The following TBX18 variants were observed in gnomAD, a reference collection of about 807,000 sequenced individuals.
TBX18 encodes T-box transcription factor TBX18.
Under a neutral mutation model 55.0 loss-of-function variants are expected in TBX18, and 21 were observed. The observed-to-expected ratio is 0.38, with a 90% CI of 0.27 to 0.55. TBX18 has a LOEUF of 0.55. Ranked by LOEUF, TBX18 falls within the 20% of genes least tolerant of loss-of-function variation. The pLI, the probability that TBX18 is intolerant of heterozygous loss-of-function variation, is 0.73. For synonymous variants in TBX18, 342 were observed against 326.1 expected (o/e 1.05, Z -0.53); for missense variants, 840 against 799.6 (o/e 1.05, Z -0.61).
At position 84,756,742 on chromosome 6, in the gene TBX18, C is replaced by T. The variant is rs1366443866; in HGVS notation, c.727G>A (p.Asp243Asn). 6.8e-6 allele frequency: 11 copies of T among 1,613,950 alleles called. No individual in the cohort carries two copies. Among genetic ancestry groups the T allele is most frequent in the South Asian group, 1.1e-5 (1 of 91,080 alleles). The change falls in exon 4 of 8, where the codon GAC (aspartate) becomes AAC (asparagine). Residue 243 changes from aspartate to asparagine, a missense_variant. Transcript: ENST00000369663. ...TCATTGTTGGTGAGCTTCAGCTTGT[C>T]GAAGCTGATAACTTGTCTCATCCAA... Reference protein sequence around the residue: ...ETWMRQVISFDKLKLTNNELD... With the variant: ...ETWMRQVISFNKLKLTNNELD...
At position 84,737,937 on chromosome 6, in the gene TBX18, A is replaced by C. The variant is rs571561550; in HGVS notation, c.1100-528T>G. Among the ~76,000 whole-genome samples the C allele has an allele frequency of 2.6e-5, 4 of 152,350 alleles. No homozygotes were observed. The East Asian group carries it at 7.7e-4, about 29-fold the overall frequency. On this transcript the variant is annotated intron_variant, in intron 7 of 7. Coordinates refer to ENST00000369663, the MANE Select transcript of TBX18 (RefSeq NM_001080508.3). The stretch of plus-strand genomic sequence containing the variant: ...GGCAGGATGATGGTAAAAAGCCTGA[A>C]TGTAGAAGTGAGCTGAGAGTGTTAC...
rs1773891658 is a variant in TBX18 at position 84,734,645 on chromosome 6, A to T, written c.*2040T>A. The T allele has an allele frequency of 6.6e-6, 1 of 152,638 alleles. No individual in the cohort carries two copies. Among genetic ancestry groups the T allele is most frequent in the African/African-American group, 2.4e-5 (1 of 41,450 alleles). The allele number at this position is 152,638 out of a possible 1,614,324, so 9.5% of individuals were successfully genotyped here. On this transcript the variant is annotated 3_prime_UTR_variant, in exon 8 of 8. Transcript: ENST00000369663. ...TTACCAGAAAAAAGATTAATAAAAA[A>T]TTATACTCATATTGTGGTATCATCT...
At chr6:84,747,691 A>AAACCTACACTGTC (rs1767233400) in intron 5 of TBX18, among the ~76,000 whole-genome samples, 1 of 152,244 alleles carries the variant, frequency 6.6e-6, no homozygotes, top group Non-Finnish European at 1.5e-5. Flanking sequence ...AATGGAAAGT[A>AAACCTACACTGTC]AACCTACACT....
intron 4 of TBX18, among the ~76,000 whole-genome samples, chr6:84,754,694 T>G (rs1767439572): frequency 6.6e-6 from 1 of 152,250 alleles, no homozygotes; most frequent in African/African-American, 2.4e-5. Flanking sequence ...ACCCAGATAC[T>G]TGGTCAAACA....
At chr6:84,752,897 G>A (rs1767387322) in intron 4 of TBX18, among the ~76,000 whole-genome samples, 1 of 152,056 alleles carries the variant, frequency 6.6e-6, no homozygotes, top group Admixed American at 6.5e-5. Context: ...TGAGGCTTAA[G>A]GTACACCACT....
chr6:84,756,655 GGCT>G, intron 4 of TBX18, 40 bp downstream of exon 4: 1 of 1,538,626 alleles, frequency 6.5e-7, no homozygotes, highest in Admixed American at 1.7e-5. Context: ...GTGTAGATGT[GGCT>G]GTGCCATCTA....
chr6:84,759,815 C>A (rs1767598057), intron 3 of TBX18, among the ~76,000 whole-genome samples: 1 of 151,688 alleles, frequency 6.6e-6, no homozygotes, highest in Non-Finnish European at 1.5e-5. Flanking sequence ...AAAAAGCCTA[C>A]AAACATTGAT....
In TBX18 at chr6:84,736,833, G is replaced by A. The variant is rs772335397; in HGVS notation, c.1676C>T (p.Pro559Leu). ...SSQGSFLGSS[P>L]SGTMTDRQML... ...CTGCCGATCCGTCATGGTCCCACTC[G>A]GTGAGGACCCCAAGAAACTTCCTTG... is the stretch of plus-strand genomic sequence containing the variant. The change falls in exon 8 of 8, where the codon CCG (proline) becomes CTG (leucine). Residue 559 changes from proline (P) to leucine (L), a missense_variant. Transcript: ENST00000369663. 6.8e-6 allele frequency: 11 copies of A among 1,613,966 alleles called. No individual in the cohort carries two copies. The highest frequency in any genetic ancestry group is 9.3e-6 in the Non-Finnish European group (11 of 1,179,974).
chr6:84,752,168 G>A (rs562635269), intron 4 of TBX18, among the ~76,000 whole-genome samples: 11 of 149,614 alleles, frequency 7.4e-5, no homozygotes, highest in Non-Finnish European at 1.0e-4. Flanking sequence ...TCTACTTTAA[G>A]GACACCTAGA....
chr6:84,763,025 C>A, intron 1 of TBX18: 1 of 551,092 alleles, frequency 1.8e-6, no homozygotes, highest in Non-Finnish European at 3.2e-6. Flanking sequence ...ACCCGCTGGG[C>A]CTCCGCAGGG....
intron 3 of TBX18, 41 bp from the exon 4 acceptor site, chr6:84,756,910 C>T (rs748588436): frequency 3.1e-6 from 5 of 1,588,180 alleles, no homozygotes; most frequent in Middle Eastern, 3.4e-4. Context: ...CTGTTTTTAT[C>T]TTGGCATGTC....
rs1766979393 is a variant in TBX18, at chr6:84,739,266, T to TA, written c.1005-676dup. On this transcript the variant is annotated intron_variant, in intron 6 of 7. Transcript: ENST00000369663. ...GCTATCTAGTATATAGAGTTACTAT[T>TA]AAATCACAAATTATTTTAAAACCCT... Among the ~76,000 whole-genome samples the TA allele has an allele frequency of 3.9e-5, 6 of 152,054 alleles. No homozygotes were observed. The South Asian group carries it at 1.2e-3, about 32-fold the overall frequency.
At chr6:84,755,663 C>G (rs1226841357) in intron 4 of TBX18, among the ~76,000 whole-genome samples, 2 of 152,080 alleles carry the variant, frequency 1.3e-5, no homozygotes, top group African/African-American at 4.8e-5. Flanking sequence ...TCATAAAAGG[C>G]AACAATCAAG....
In TBX18 at chr6:84,734,905, T is replaced by G. The variant is rs190640833; in HGVS notation, c.*1780A>C. Reference sequence around the variant, plus strand: ...ACTGCAAATATTTCATGTCCCTTCATGCTAGTTTTAAATTTAAAAATTTAA... The same window carrying G: ...ACTGCAAATATTTCATGTCCCTTCAGGCTAGTTTTAAATTTAAAAATTTAA... On this transcript the variant is annotated 3_prime_UTR_variant, in exon 8 of 8. Transcript: ENST00000369663. 8 of 152,360 alleles carry G rather than the reference T, an allele frequency of 5.3e-5. No homozygotes were observed. The East Asian group carries it at 1.5e-3, about 29-fold the overall frequency. 9.4% of individuals were successfully genotyped at this position (152,360 alleles called of 1,614,324 possible).
intron 6 of TBX18, 136 bp downstream of exon 6, chr6:84,744,125 C>T (rs949179396): frequency 1.5e-5 from 12 of 783,872 alleles, no homozygotes; most frequent in African/African-American, 5.3e-5. Flanking sequence ...AAGTTATCTC[C>T]GAGGCACAAC....
At position 84,736,578 on chromosome 6, in the gene TBX18, A is replaced by T; in HGVS notation, c.*107T>A. 6.1e-6 allele frequency: 8 copies of T among 1,309,022 alleles called. No individual in the cohort carries two copies. Among genetic ancestry groups the T allele is most frequent in the Non-Finnish European group, 8.1e-6 (8 of 981,874 alleles). The allele number at this position is 1,309,022 out of a possible 1,614,324, so 81.1% of individuals were successfully genotyped here. A position where few individuals can be genotyped will look rare whatever the true frequency, so the allele number is the denominator to read the frequency against. The stretch of plus-strand genomic sequence containing the variant: ...ACCCAGTGAGCCTTCATTTTCTATT[A>T]TATGTACATTTTATAAACCACAGAG... On this transcript the variant is annotated 3_prime_UTR_variant, in exon 8 of 8. Coordinates refer to ENST00000369663, the MANE Select transcript of TBX18 (RefSeq NM_001080508.3).
At chr6:84,746,073 A>AT (rs1386991943) in intron 5 of TBX18, among the ~76,000 whole-genome samples, 3 of 152,112 alleles carry the variant, frequency 2.0e-5, no homozygotes, top group Non-Finnish European at 4.4e-5. Flanking sequence ...ATCATTATCA[A>AT]TTTCTCCTCT....
At chr6:84,756,624 C>T (rs1767495150) in intron 4 of TBX18, 74 bp downstream of exon 4, 2 of 1,381,014 alleles carry the variant, frequency 1.4e-6, no homozygotes, top group Non-Finnish European at 2.0e-6. Context: ...TAGAAGCATT[C>T]ATTTCCTTTA....
chr6:84,741,196 C>G (rs1160589697), intron 6 of TBX18: 1 of 152,176 alleles, frequency 6.6e-6, no homozygotes, highest in Non-Finnish European at 1.5e-5. Flanking sequence ...GTAATGGAGA[C>G]CTTTCCTGGC....
Sources: gnomAD v4.1 joint callset for allele counts (sites outside exome capture counted in the v4.1 genomes callset) on GRCh38, gnomAD v4.1.1 for gene constraint, MANE v1.5 for transcripts, NCBI Gene and HGNC (gene_info 2026-07-23, HGNC 2026-07-21) for gene names.